ZNF608: variants seen among roughly 807,000 people sequenced by gnomAD.
ZNF608 encodes the protein renal carcinoma antigen NY-REN-36.
A neutral mutation model predicts 109.0 loss-of-function variants in ZNF608; 12 were observed. The observed-to-expected ratio is 0.11, with a 90% CI of 0.07 to 0.18. The LOEUF is 0.18. ZNF608 is among the 10% of genes least tolerant of loss of function. The probability of loss-of-function intolerance (pLI) is 1.00; values close to 1 mark genes in which losing one functional copy is unlikely to be tolerated. For missense variants in ZNF608, 1,707 were observed against 1,879.3 expected (o/e 0.91, Z 1.70); for synonymous variants, 732 against 717.4 (o/e 1.02, Z -0.33).
intron 3 of ZNF608, among the ~76,000 whole-genome samples, chr5:124,659,285 C>T (rs1255156211): frequency 6.6e-6 from 1 of 152,076 alleles, no homozygotes; most frequent in Admixed American, 6.5e-5. Flanking sequence ...AAAAACTCCC[C>T]CTCCATGCCA....
chr5:124,700,841 T>G (rs888967677), intron 3 of ZNF608, among the ~76,000 whole-genome samples, 173 bp downstream of exon 3: 3 of 152,148 alleles, frequency 2.0e-5, no homozygotes, highest in African/African-American at 7.2e-5. Flanking sequence ...AAAGCAGCCA[T>G]GCACAAGAAG....
At chr5:124,640,198 C>T (rs930043639) in intron 8 of ZNF608, among the ~76,000 whole-genome samples, 2 of 152,206 alleles carry the variant, frequency 1.3e-5, no homozygotes, top group African/African-American at 4.8e-5. Flanking sequence ...TCTATTCACA[C>T]AGTAGCATAA....
At chr5:124,642,434 C>G (rs911657412) in intron 7 of ZNF608, among the ~76,000 whole-genome samples, 1 of 152,154 alleles carries the variant, frequency 6.6e-6, no homozygotes, top group Non-Finnish European at 1.5e-5. Context: ...TGCCTTATTA[C>G]ATGTCACGGG....
intron 3 of ZNF608, among the ~76,000 whole-genome samples, chr5:124,670,253 A>C (rs1188015229): frequency 2.0e-5 from 3 of 152,128 alleles, no homozygotes; most frequent in Non-Finnish European, 4.4e-5. Flanking sequence ...AAATATTAAT[A>C]TAATCTCACT....
At chr5:124,679,083 C>T (rs1752082785) in intron 3 of ZNF608, among the ~76,000 whole-genome samples, 1 of 152,222 alleles carries the variant, frequency 6.6e-6, no homozygotes, top group Admixed American at 6.5e-5. Context: ...CTGCATCAAG[C>T]TGGCCATCTG....
chr5:124,695,525 G>A (rs1423867224), intron 3 of ZNF608, among the ~76,000 whole-genome samples: 1 of 152,016 alleles, frequency 6.6e-6, no homozygotes. Context: ...AGCACTTTGG[G>A]AGGCCAAGGC....
intron 3 of ZNF608, among the ~76,000 whole-genome samples, chr5:124,689,286 T>C (rs1580627645): frequency 6.6e-6 from 1 of 152,138 alleles, no homozygotes; most frequent in Non-Finnish European, 1.5e-5. Flanking sequence ...GTCTCTAAAA[T>C]AAATTTTTTT....
intron 3 of ZNF608, among the ~76,000 whole-genome samples, chr5:124,683,542 G>C (rs1286771836): frequency 6.6e-6 from 1 of 152,128 alleles, no homozygotes; most frequent in Admixed American, 6.5e-5. Context: ...ATAAACATGT[G>C]TTTTCAAAAT....
intron 3 of ZNF608, among the ~76,000 whole-genome samples, chr5:124,672,967 A>C (rs898130127): frequency 6.6e-6 from 1 of 152,154 alleles, no homozygotes; most frequent in Non-Finnish European, 1.5e-5. Flanking sequence ...AGTTAAGGTG[A>C]CTCTCAAAGA....
At chr5:124,693,552 G>C (rs1442684121) in intron 3 of ZNF608, among the ~76,000 whole-genome samples, 1 of 152,144 alleles carries the variant, frequency 6.6e-6, no homozygotes, top group Non-Finnish European at 1.5e-5. Flanking sequence ...TTTACACAGT[G>C]AGTTTTAAAC....
chr5:124,658,755 A>G (rs1751118785), intron 3 of ZNF608, among the ~76,000 whole-genome samples: 1 of 152,174 alleles, frequency 6.6e-6, no homozygotes, highest in East Asian at 1.9e-4. Flanking sequence ...GCCCACTGTA[A>G]CAGAATTGAC....
At chr5:124,727,652 C>A (rs376456522) in intron 2 of ZNF608, among the ~76,000 whole-genome samples, 220 of 82,266 alleles carry the variant, frequency 2.7e-3, no homozygotes, top group South Asian at 5.2e-3. Flanking sequence ...AAAATCAGAC[C>A]AAAAAAAAAA....
At chr5:124,737,254 C>T (rs1297365932) in intron 2 of ZNF608, among the ~76,000 whole-genome samples, 1 of 152,092 alleles carries the variant, frequency 6.6e-6, no homozygotes, top group Non-Finnish European at 1.5e-5. Context: ...ATTCATGTGG[C>T]ATTATTGGAA....
In ZNF608 at chr5:124,739,683, C is replaced by T. The variant is rs560638948; in HGVS notation, c.906+4401G>A. 1.9e-3 allele frequency among the ~76,000 whole-genome samples: 293 copies of T among 152,250 alleles called. 3 individuals are homozygous for T. The highest frequency in any genetic ancestry group is 6.8e-3 in the African/African-American group (283 of 41,536). ...AGGAACATGTGTTTTCACAGTGTTG[C>T]TCATATTACTGCAATTTCAAGTTTC... On this transcript the variant is annotated intron_variant, in intron 2 of 9. Transcript: ENST00000513986.
chr5:124,696,824 G>C (rs542001821), intron 3 of ZNF608, among the ~76,000 whole-genome samples: 2 of 152,246 alleles, frequency 1.3e-5, no homozygotes, highest in African/African-American at 4.8e-5. Flanking sequence ...CTTCCTTACA[G>C]AGAAAAAGTC....
chr5:124,655,913 G>C (rs1216765615), intron 3 of ZNF608, among the ~76,000 whole-genome samples: 4 of 152,144 alleles, frequency 2.6e-5, no homozygotes, highest in African/African-American at 4.8e-5. Flanking sequence ...GTACAACTAA[G>C]GTTGCTCATA....
chr5:124,728,856 C>T (rs1315260702), intron 2 of ZNF608, among the ~76,000 whole-genome samples: 5 of 152,156 alleles, frequency 3.3e-5, no homozygotes, highest in Non-Finnish European at 7.3e-5. Flanking sequence ...AGCCCCATAA[C>T]CTCACCTTCT....
chr5:124,641,952 C>T (rs1017447171), intron 7 of ZNF608, among the ~76,000 whole-genome samples: 2 of 152,140 alleles, frequency 1.3e-5, no homozygotes, highest in African/African-American at 4.8e-5. Context: ...AAAGAGAAGG[C>T]CCCATCCTCC....
chr5:124,688,779 A>C (rs955079842), intron 3 of ZNF608, among the ~76,000 whole-genome samples: 1 of 152,234 alleles, frequency 6.6e-6, no homozygotes, highest in African/African-American at 2.4e-5. Context: ...AAATTAAATT[A>C]ATCTTTGGTG....
Sources: gnomAD v4.1 joint callset for allele counts (sites outside exome capture counted in the v4.1 genomes callset) on GRCh38, gnomAD v4.1.1 for gene constraint, MANE v1.5 for transcripts, NCBI Gene and HGNC (gene_info 2026-07-23, HGNC 2026-07-21) for gene names.